The following FBXL7 variants were observed in gnomAD, a reference collection of about 807,000 sequenced individuals.
FBXL7 encodes the protein F-box and leucine rich repeat protein 7.
FBXL7 carries 12 observed loss-of-function variants against 38.3 expected under a neutral mutation model. The observed-to-expected ratio is 0.31, with a 90% CI of 0.20 to 0.51. The LOEUF (loss-of-function observed/expected upper bound fraction) is 0.51, where lower values mean the gene tolerates loss of function less well. Ranked by LOEUF, FBXL7 falls within the 20% of genes least tolerant of loss-of-function variation. The pLI is 0.98. For synonymous variants in FBXL7, 297 were observed against 300.9 expected (o/e 0.99, Z 0.13); for missense variants, 567 against 676.4 (o/e 0.84, Z 1.79).
chr5:15,594,942 A>G (rs920048701), intron 1 of FBXL7, among the ~76,000 whole-genome samples: 3 of 152,224 alleles, frequency 2.0e-5, no homozygotes, highest in African/African-American at 7.2e-5. Context: ...AATCCTAGTC[A>G]GTCTTACATT....
intron 2 of FBXL7, among the ~76,000 whole-genome samples, chr5:15,831,341 C>G (rs1738451560): frequency 6.6e-6 from 1 of 152,166 alleles, no homozygotes; most frequent in Non-Finnish European, 1.5e-5. Context: ...TCCAGTGATA[C>G]TAAGTGGTAT....
chr5:15,570,316 T>A (rs1738732257), intron 1 of FBXL7, among the ~76,000 whole-genome samples: 1 of 152,162 alleles, frequency 6.6e-6, no homozygotes, highest in South Asian at 2.1e-4. Context: ...GGTTTAGTCT[T>A]GGGAGGGTGT....
chr5:15,705,862 A>T (rs547618241), intron 2 of FBXL7, among the ~76,000 whole-genome samples: 5 of 152,192 alleles, frequency 3.3e-5, no homozygotes, highest in East Asian at 3.9e-4. Context: ...AAATAAATAA[A>T]TTTTTTTAAC....
chr5:15,856,525 T>C (rs925141820), intron 2 of FBXL7, among the ~76,000 whole-genome samples: 2 of 151,400 alleles, frequency 1.3e-5, no homozygotes, highest in Non-Finnish European at 2.9e-5. Flanking sequence ...ATAACAAACC[T>C]GCACATGTAC....
intron 2 of FBXL7, among the ~76,000 whole-genome samples, chr5:15,810,419 G>A (rs1302155678): frequency 6.6e-6 from 1 of 152,032 alleles, no homozygotes; most frequent in Non-Finnish European, 1.5e-5. Context: ...AAACCAGCCA[G>A]GCGTGGTGGT....
chr5:15,854,458 T>A (rs1579523405), intron 2 of FBXL7, among the ~76,000 whole-genome samples: 3 of 152,190 alleles, frequency 2.0e-5, no homozygotes, highest in Non-Finnish European at 4.4e-5. Flanking sequence ...TTTACCTGAA[T>A]GTTAATTACA....
intron 2 of FBXL7, among the ~76,000 whole-genome samples, chr5:15,766,060 C>T (rs1736582519): frequency 9.0e-6 from 1 of 110,544 alleles, no homozygotes; most frequent in African/African-American, 3.1e-5. Context: ...ACCTACCTAC[C>T]TACCTACCTA....
At chr5:15,744,958 G>GC (rs1465820608) in intron 2 of FBXL7, among the ~76,000 whole-genome samples, 2 of 151,998 alleles carry the variant, frequency 1.3e-5, no homozygotes, top group African/African-American at 4.8e-5. Context: ...GAGGGTAACT[G>GC]CCCCCATGAT....
intron 1 of FBXL7, among the ~76,000 whole-genome samples, chr5:15,518,384 C>G (rs922939837): frequency 1.3e-5 from 2 of 152,162 alleles, no homozygotes; most frequent in East Asian, 3.8e-4. Context: ...ATTATTTCCT[C>G]GGTTTGTTTT....
intron 3 of FBXL7, among the ~76,000 whole-genome samples, chr5:15,935,975 C>G (rs1579616996): frequency 6.6e-6 from 1 of 152,158 alleles, no homozygotes; most frequent in African/African-American, 2.4e-5. Flanking sequence ...TCTTTCATAT[C>G]TTACTTTGGA....
At chr5:15,825,064 TA>T (rs1220831704) in intron 2 of FBXL7, among the ~76,000 whole-genome samples, 2 of 152,238 alleles carry the variant, frequency 1.3e-5, no homozygotes, top group African/African-American at 2.4e-5. Context: ...ATGGGTTTTT[TA>T]TTTTAAGCCA....
chr5:15,608,909 C>T (rs1038794420), intron 1 of FBXL7, among the ~76,000 whole-genome samples: 6 of 152,148 alleles, frequency 3.9e-5, no homozygotes, highest in South Asian at 2.1e-4. Context: ...AAGCATGGGC[C>T]GTATGATACC....
intron 2 of FBXL7, among the ~76,000 whole-genome samples, chr5:15,777,868 T>C (rs935735388): frequency 2.0e-5 from 3 of 151,790 alleles, no homozygotes; most frequent in African/African-American, 4.8e-5. Flanking sequence ...TCTCTGGCCA[T>C]ATTGAGGAAA....
chr5:15,597,391 C>T (rs930991874), intron 1 of FBXL7, among the ~76,000 whole-genome samples: 2 of 150,530 alleles, frequency 1.3e-5, no homozygotes, highest in Admixed American at 6.7e-5. Flanking sequence ...TACTTGATTG[C>T]ATCTCATTTT....
intron 2 of FBXL7, among the ~76,000 whole-genome samples, chr5:15,913,644 T>G (rs549210038): frequency 2.0e-5 from 3 of 152,342 alleles, no homozygotes; most frequent in Admixed American, 6.5e-5. Context: ...TTGTAACTAT[T>G]CATGGGGAAA....
rs116169698 is a variant in FBXL7 at position 15,560,847 on chromosome 5, T to C, written c.38-55136T>C. 4.9e-3 allele frequency among the ~76,000 whole-genome samples: 739 copies of C among 152,282 alleles called. 4 individuals are homozygous for C. Among genetic ancestry groups the C allele is most frequent in the African/African-American group, 0.017 (689 of 41,582 alleles). On this transcript the variant is annotated intron_variant, in intron 1 of 3. Coordinates refer to ENST00000504595, the MANE Select transcript of FBXL7 (RefSeq NM_012304.5). Reference sequence around the variant, plus strand: ...TTTGCTACTTACATATGTATTATAATATTAATGTTGCAGGTTTGGAGTCTA... The same window carrying C: ...TTTGCTACTTACATATGTATTATAACATTAATGTTGCAGGTTTGGAGTCTA...
chr5:15,926,428 C>T (rs1386530451), intron 2 of FBXL7, among the ~76,000 whole-genome samples: 1 of 147,364 alleles, frequency 6.8e-6, no homozygotes, highest in Non-Finnish European at 1.5e-5. Context: ...TCTAATAATA[C>T]ATATATACAT....
chr5:15,505,608 T>C (rs1736621694), intron 1 of FBXL7, among the ~76,000 whole-genome samples: 1 of 152,114 alleles, frequency 6.6e-6, no homozygotes, highest in Non-Finnish European at 1.5e-5. Flanking sequence ...TGTGGTACAC[T>C]ATAAGGGGCT....
At chr5:15,507,901 G>A (rs1052003087) in intron 1 of FBXL7, among the ~76,000 whole-genome samples, 6 of 151,884 alleles carry the variant, frequency 4.0e-5, no homozygotes, top group African/African-American at 1.5e-4. Context: ...AAATTAGCCG[G>A]GTGTGGTGAT....
Sources: allele counts gnomAD v4.1 joint callset (sites outside exome capture counted in the v4.1 genomes callset), GRCh38; gene constraint gnomAD v4.1.1; transcripts MANE v1.5; gene names NCBI Gene and HGNC (gene_info 2026-07-23, HGNC 2026-07-21).